Variants in UAP1 observed in about 807,000 individuals in gnomAD.
The protein encoded by UAP1 is UDP-N-acetylhexosamine pyrophosphorylase.
UAP1 carries 25 observed loss-of-function variants against 58.5 expected under a neutral mutation model. The observed-to-expected ratio is 0.43, with a 90% CI of 0.31 to 0.60. The LOEUF (loss-of-function observed/expected upper bound fraction) is 0.60. Among genes scored for constraint, UAP1 ranks in the 20% least tolerant of loss-of-function variants. The pLI is 0.11. For missense variants in UAP1, 575 were observed against 630.0 expected, an observed-to-expected ratio of 0.91 and a Z score of 0.93; for synonymous variants, 208 against 213.0, an observed-to-expected ratio of 0.98 and a Z score of 0.21.
intron 4 of UAP1, among the ~76,000 whole-genome samples, 171 bp downstream of exon 4, chr1:162,579,774 T>C (rs771407228): frequency 6.6e-5 from 10 of 152,244 alleles, no homozygotes; most frequent in Admixed American, 3.3e-4. Flanking sequence ...GTGTAATGGA[T>C]ACACTTTTAT....
intron 3 of UAP1, among the ~76,000 whole-genome samples, chr1:162,577,303 T>C (rs1654252563): frequency 6.6e-6 from 1 of 151,960 alleles, no homozygotes; most frequent in South Asian, 2.1e-4. Flanking sequence ...CATGCGCCTC[T>C]TCCGCATACA....
intron 8 of UAP1, among the ~76,000 whole-genome samples, chr1:162,591,027 C>T (rs919003973): frequency 2.6e-5 from 4 of 151,282 alleles, no homozygotes; most frequent in African/African-American, 2.4e-5. Flanking sequence ...GTGTTCAAAT[C>T]GATTCTCCTA....
intron 3 of UAP1, among the ~76,000 whole-genome samples, chr1:162,578,180 C>T (rs905077112): frequency 6.6e-6 from 1 of 152,100 alleles, no homozygotes; most frequent in African/African-American, 2.4e-5. Flanking sequence ...TGAGGTCCCC[C>T]AAGTCCCTAT....
intron 7 of UAP1, 144 bp from the exon 8 acceptor site, chr1:162,590,179 T>G: frequency 1.6e-6 from 1 of 620,588 alleles, no homozygotes; most frequent in Non-Finnish European, 2.6e-6. Context: ...CTTTCTTTAG[T>G]CCAAGGGTGA....
At chr1:162,563,813 A>G (rs1011911237) in intron 1 of UAP1, among the ~76,000 whole-genome samples, 2 of 152,046 alleles carry the variant, frequency 1.3e-5, no homozygotes, top group Non-Finnish European at 2.9e-5. Flanking sequence ...AGCACTCTTT[A>G]CTCTTGACTA....
intron 8 of UAP1, among the ~76,000 whole-genome samples, chr1:162,592,483 C>G (rs898959817): frequency 6.6e-6 from 1 of 152,176 alleles, no homozygotes; most frequent in Non-Finnish European, 1.5e-5. Flanking sequence ...CTTTCATCTC[C>G]CAGTCCAAGG....
In UAP1 at chr1:162,591,965, A is replaced by G. The variant is rs1655342356; in HGVS notation, c.1359-767A>G. Among the ~76,000 whole-genome samples, 3 of 152,190 alleles carry G rather than the reference A, an allele frequency of 2.0e-5. No homozygotes were observed. In the South Asian group the frequency reaches 6.2e-4, roughly 32 times the overall value. On this transcript the variant is annotated intron_variant, in intron 8 of 10. Transcript: ENST00000271469. The stretch of plus-strand genomic sequence containing the variant: ...GTGCTCAGCCTAAATCTTGTATTTT[A>G]TGATGAAACCTTCACTGGCACCTAG...
intron 2 of UAP1, among the ~76,000 whole-genome samples, chr1:162,573,020 A>G (rs75528022): frequency 0.011 from 1,617 of 152,288 alleles, 24 homozygotes; most frequent in African/African-American, 0.037. Flanking sequence ...TTTTCTAGAA[A>G]CCATAGTTTA....
intron 2 of UAP1, among the ~76,000 whole-genome samples, chr1:162,569,118 G>A (rs1309552284): frequency 1.3e-5 from 2 of 152,158 alleles, no homozygotes; most frequent in African/African-American, 2.4e-5. Flanking sequence ...AGAAACTACC[G>A]TGTGTCTGCA....
rs2101833731 is a variant in UAP1, at chr1:162,592,680, T to G, written c.1359-52T>G. ...TATATTTTGCAACTCCATTTCATTGTTATTGTTTGATTTGCTTCCATTCCC... is the reference window on the plus strand; with the variant it reads ...TATATTTTGCAACTCCATTTCATTGGTATTGTTTGATTTGCTTCCATTCCC... On this transcript the variant is annotated intron_variant, in intron 8 of 10. Transcript: ENST00000271469. The G allele has an allele frequency of 6.6e-6, 9 of 1,363,032 alleles. No homozygotes were observed. In the South Asian group the frequency reaches 1.1e-4, roughly 17 times the overall value. 84.4% of individuals were successfully genotyped at this position (1,363,032 alleles called of 1,614,324 possible).
chr1:162,589,115 TATATTTTATATATATAATTTA>T (rs1557977239), intron 7 of UAP1, among the ~76,000 whole-genome samples: 3 of 118,338 alleles, frequency 2.5e-5, no homozygotes, highest in African/African-American at 3.3e-5. Flanking sequence ...ATATTATATA[TATATTTTATATATATAATTTA>T]TATATTTATA....
intron 6 of UAP1, chr1:162,587,935 C>T: frequency 3.0e-6 from 1 of 329,102 alleles, no homozygotes; most frequent in Non-Finnish European, 5.6e-6. Flanking sequence ...CAACTATGTG[C>T]TAGGTTCTGT....
intron 7 of UAP1, among the ~76,000 whole-genome samples, 168 bp from the exon 8 acceptor site, chr1:162,590,155 A>G (rs747082288): frequency 2.6e-5 from 4 of 152,082 alleles, no homozygotes; most frequent in Non-Finnish European, 4.4e-5. Context: ...TTGCATTGAA[A>G]AAGAAAATTT....
At chr1:162,589,119 TTTTATATATATAA>T (rs1473379670) in intron 7 of UAP1, among the ~76,000 whole-genome samples, 3 of 116,442 alleles carry the variant, frequency 2.6e-5, no homozygotes, top group African/African-American at 1.1e-4. Context: ...TATATATATA[TTTTATATATATAA>T]TTTATATATT....
At chr1:162,592,518 A>G (rs749705186) in intron 8 of UAP1, among the ~76,000 whole-genome samples, 11 of 152,134 alleles carry the variant, frequency 7.2e-5, no homozygotes, top group Non-Finnish European at 1.6e-4. Flanking sequence ...TGTATTGTCA[A>G]CAAGCTTGCT....
intron 10 of UAP1, 71 bp from the exon 11 acceptor site, chr1:162,599,200 T>TTATAG (rs1175356723): frequency 1.1e-6 from 1 of 939,202 alleles, no homozygotes; most frequent in Non-Finnish European, 1.6e-6. Context: ...TAAATCATCA[T>TTATAG]TATAGCAAGT....
chr1:162,586,614 C>T (rs1014007028), intron 5 of UAP1, among the ~76,000 whole-genome samples: 3 of 152,130 alleles, frequency 2.0e-5, no homozygotes, highest in African/African-American at 7.2e-5. Context: ...TATATTAGTG[C>T]ATTGCATATA....
chr1:162,584,152 TA>T (rs1282760985), intron 5 of UAP1, among the ~76,000 whole-genome samples: 1 of 152,210 alleles, frequency 6.6e-6, no homozygotes, highest in Non-Finnish European at 1.5e-5. Context: ...ATGCAAGTGT[TA>T]AGTCACTCCT....
exon 10 of UAP1, chr1:162,597,855 A>G: frequency 6.2e-7 from 1 of 1,611,962 alleles, no homozygotes; most frequent in African/African-American, 1.3e-5. Flanking sequence ...CCTATGCTGG[A>G]GAAGTAAGTC....
Sources: allele counts gnomAD v4.1 joint callset (sites outside exome capture counted in the v4.1 genomes callset), GRCh38; gene constraint gnomAD v4.1.1; transcripts MANE v1.5; gene names NCBI Gene and HGNC (gene_info 2026-07-23, HGNC 2026-07-21).